PTTG1IP2: variants seen among roughly 807,000 people sequenced by gnomAD.
The protein encoded by PTTG1IP2 is PTTG1IP family member 2.
chr7:90,501,423 C>A (rs1348296765), intron 6 of PTTG1IP2, among the ~76,000 whole-genome samples: 3 of 152,184 alleles, frequency 2.0e-5, no homozygotes, highest in Non-Finnish European at 2.9e-5. Flanking sequence ...AATCCCAGAA[C>A]TTTTGGAAGC....
chr7:90,479,443 A>C (rs1351678711), intron 2 of PTTG1IP2, among the ~76,000 whole-genome samples, 169 bp downstream of exon 2: 1 of 152,204 alleles, frequency 6.6e-6, no homozygotes, highest in Non-Finnish European at 1.5e-5. Flanking sequence ...TTCTTTGAGG[A>C]TCTAGAAATA....
intron 6 of PTTG1IP2, among the ~76,000 whole-genome samples, chr7:90,496,158 A>G (rs1797988083): frequency 6.6e-6 from 1 of 152,204 alleles, no homozygotes; most frequent in African/African-American, 2.4e-5. Context: ...TCAGGATAGT[A>G]CTGGCCTCAT....
chr7:90,512,754 G>A (rs1051805537), intron 6 of PTTG1IP2, among the ~76,000 whole-genome samples: 3 of 152,204 alleles, frequency 2.0e-5, no homozygotes, highest in Non-Finnish European at 2.9e-5. Context: ...TGGAGGAGTT[G>A]CACTGGGGAA....
Position 90,480,073 on chromosome 7 carries a change from C to T in PTTG1IP2, c.192+799C>T, listed in dbSNP as rs147204085. 5.6e-3 allele frequency among the ~76,000 whole-genome samples: 857 copies of T among 152,250 alleles called. 3 individuals carry two copies. Among genetic ancestry groups the T allele is most frequent in the Non-Finnish European group, 9.2e-3 (628 of 68,016 alleles). On this transcript the variant is annotated intron_variant, in intron 2 of 6. Transcript: ENST00000509356. ...TGCCTTACATGCTTTCCACAGCCAG[C>T]GATGACCCAGACATACTCTTTATAC...
chr7:90,490,402 A>C (rs1797924420), intron 4 of PTTG1IP2, among the ~76,000 whole-genome samples: 1 of 151,704 alleles, frequency 6.6e-6, no homozygotes, highest in Non-Finnish European at 1.5e-5. Context: ...TATGCTTATA[A>C]AAAGATAAGG....
intron 6 of PTTG1IP2, among the ~76,000 whole-genome samples, chr7:90,494,763 T>G (rs1797974344): frequency 6.6e-6 from 1 of 152,140 alleles, no homozygotes; most frequent in African/African-American, 2.4e-5. Flanking sequence ...ACACCTGCAG[T>G]CCTAACAACT....
intron 2 of PTTG1IP2, among the ~76,000 whole-genome samples, chr7:90,483,354 G>C (rs889090569): frequency 2.0e-5 from 3 of 152,082 alleles, no homozygotes; most frequent in African/African-American, 4.8e-5. Flanking sequence ...CTTTCCCCTT[G>C]AGAAGTCTGT....
At chr7:90,483,600 T>C (rs547215019) in intron 2 of PTTG1IP2, among the ~76,000 whole-genome samples, 1 of 152,330 alleles carries the variant, frequency 6.6e-6, no homozygotes, top group South Asian at 2.1e-4. Context: ...CTGTGCTTAT[T>C]CTACCATTGC....
At chr7:90,500,598 G>A (rs544835750) in intron 6 of PTTG1IP2, among the ~76,000 whole-genome samples, 16 of 152,334 alleles carry the variant, frequency 1.1e-4, no homozygotes, top group Admixed American at 1.3e-4. Flanking sequence ...GACTTGGGTA[G>A]AAGGAACAGT....
intron 1 of PTTG1IP2, among the ~76,000 whole-genome samples, chr7:90,471,980 AAG>A (rs1797693989): frequency 6.6e-6 from 1 of 152,180 alleles, no homozygotes; most frequent in South Asian, 2.1e-4. Context: ...CAAACCTCAA[AAG>A]AGAGAGCAGA....
At chr7:90,483,853 C>G (rs932432468) in intron 2 of PTTG1IP2, among the ~76,000 whole-genome samples, 1 of 152,052 alleles carries the variant, frequency 6.6e-6, no homozygotes, top group Non-Finnish European at 1.5e-5. Context: ...GAGCGCATTC[C>G]TTCATTTCCT....
chr7:90,477,542 A>T (rs1797761858), intron 1 of PTTG1IP2, among the ~76,000 whole-genome samples: 1 of 152,358 alleles, frequency 6.6e-6, no homozygotes, highest in Admixed American at 6.5e-5. Flanking sequence ...GTTGAGGGGC[A>T]TTCTGCAAAA....
chr7:90,506,110 A>G (rs953344320), intron 6 of PTTG1IP2, among the ~76,000 whole-genome samples: 1 of 150,458 alleles, frequency 6.6e-6, no homozygotes, highest in Non-Finnish European at 1.5e-5. Flanking sequence ...AAGTATCTCT[A>G]GTTTTACTGA....
chr7:90,492,757 G>A (rs1423292320), intron 5 of PTTG1IP2, among the ~76,000 whole-genome samples: 8 of 152,048 alleles, frequency 5.3e-5, no homozygotes, highest in South Asian at 2.1e-4. Context: ...ACCCCAACTC[G>A]CACTCCACAA....
chr7:90,487,720 T>G (rs1441097174), intron 3 of PTTG1IP2, among the ~76,000 whole-genome samples: 1 of 152,210 alleles, frequency 6.6e-6, no homozygotes, highest in Non-Finnish European at 1.5e-5. Context: ...TCAAATTAAG[T>G]CAACATTCAT....
At chr7:90,507,079 TTCA>T (rs1477831394) in intron 6 of PTTG1IP2, among the ~76,000 whole-genome samples, 1 of 152,210 alleles carries the variant, frequency 6.6e-6, no homozygotes, top group Non-Finnish European at 1.5e-5. Context: ...GATGTAAAAC[TTCA>T]TCAAATTCTT....
chr7:90,500,156 G>T (rs1798046269), intron 6 of PTTG1IP2, among the ~76,000 whole-genome samples: 1 of 152,090 alleles, frequency 6.6e-6, no homozygotes, highest in Non-Finnish European at 1.5e-5. Flanking sequence ...CGAGGCTGTG[G>T]TGAGCTAAGA....
chr7:90,504,693 GT>G (rs1798105626), intron 6 of PTTG1IP2, among the ~76,000 whole-genome samples: 1 of 152,150 alleles, frequency 6.6e-6, no homozygotes, highest in Admixed American at 6.5e-5. Context: ...TACCTAACTT[GT>G]TTCACTGACT....
chr7:90,497,743 AAGAAGAAG>A (rs1798012904), intron 6 of PTTG1IP2, among the ~76,000 whole-genome samples: 1 of 129,446 alleles, frequency 7.7e-6, no homozygotes, highest in Non-Finnish European at 1.6e-5. Context: ...AAAAAAAAAA[AAGAAGAAG>A]AAGAAGAAGA....
Sources: allele counts gnomAD v4.1 joint callset (sites outside exome capture counted in the v4.1 genomes callset), GRCh38; gene constraint gnomAD v4.1.1; transcripts MANE v1.5; gene names NCBI Gene and HGNC (gene_info 2026-07-23, HGNC 2026-07-21).